The following ZMYM5 variants were observed in gnomAD, a reference collection of about 807,000 sequenced individuals.
ZMYM5 encodes the protein zinc finger MYM-type containing 5, also known as zinc finger MYM-type protein 5.
A neutral mutation model predicts 61.8 loss-of-function variants in ZMYM5; 41 were observed. The ratio of observed to expected loss-of-function variants is 0.66; its 90% confidence interval spans 0.52 to 0.86. ZMYM5 has a LOEUF of 0.86. Among genes scored for constraint, ZMYM5 ranks in the 40% least tolerant of loss-of-function variants. The pLI, the probability that ZMYM5 is intolerant of heterozygous loss-of-function variation, is 0.00. For missense variants in ZMYM5, 706 were observed against 786.7 expected (o/e 0.90, Z 1.23); for synonymous variants, 257 against 276.4 (o/e 0.93, Z 0.70).
intron 4 of ZMYM5, among the ~76,000 whole-genome samples, chr13:19,842,632 G>A (rs1002765630): frequency 4.8e-5 from 7 of 145,500 alleles, no homozygotes; most frequent in Non-Finnish European, 1.0e-4. Context: ...TTTGACAGAT[G>A]ACTTAAGCTT....
chr13:19,839,061 A>G, intron 4 of ZMYM5, 76 bp from the exon 5 acceptor site: 1 of 1,532,038 alleles, frequency 6.5e-7, no homozygotes, highest in Non-Finnish European at 8.8e-7. Flanking sequence ...ATTTTCATTT[A>G]AGAGTTTAAG....
intron 7 of ZMYM5, among the ~76,000 whole-genome samples, chr13:19,831,996 C>T (rs999436489): frequency 6.6e-6 from 1 of 150,664 alleles, no homozygotes. Flanking sequence ...GCTGGGATTA[C>T]AGGTGTTCAC....
intron 2 of ZMYM5, 43 bp from the exon 3 acceptor site, chr13:19,852,233 G>A: frequency 6.8e-7 from 1 of 1,472,808 alleles, no homozygotes; most frequent in Non-Finnish European, 8.9e-7. Flanking sequence ...AGTATGTTAT[G>A]GTTTTTGCAT....
At chr13:19,858,528 T>C (rs1240261403) in intron 2 of ZMYM5, among the ~76,000 whole-genome samples, 2 of 135,804 alleles carry the variant, frequency 1.5e-5, no homozygotes, top group Non-Finnish European at 3.0e-5. Flanking sequence ...GAGGCTGCAG[T>C]GAGCCGAGAT....
intron 2 of ZMYM5, among the ~76,000 whole-genome samples, chr13:19,859,840 G>C (rs1003466148): frequency 6.6e-6 from 1 of 151,218 alleles, no homozygotes; most frequent in South Asian, 2.1e-4. Context: ...TGTGGTAGTG[G>C]GTGCCTATCA....
intron 7 of ZMYM5, among the ~76,000 whole-genome samples, chr13:19,833,458 G>T (rs962046462): frequency 6.6e-6 from 1 of 152,000 alleles, no homozygotes; most frequent in Admixed American, 6.6e-5. Flanking sequence ...TCTATTTCTG[G>T]ACTATCTTCT....
intron 4 of ZMYM5, among the ~76,000 whole-genome samples, chr13:19,840,477 G>A (rs774604997): frequency 3.3e-5 from 5 of 152,146 alleles, no homozygotes; most frequent in Admixed American, 6.5e-5. Context: ...GGGCTCAAGC[G>A]ATCCTCCCAT....
intron 4 of ZMYM5, among the ~76,000 whole-genome samples, chr13:19,848,290 T>C (rs1453549794): frequency 6.6e-6 from 1 of 152,034 alleles, no homozygotes; most frequent in East Asian, 1.9e-4. Flanking sequence ...CAGGTAATTA[T>C]TATTTTTTGA....
intron 7 of ZMYM5, among the ~76,000 whole-genome samples, chr13:19,832,978 C>T (rs1292329109): frequency 2.0e-5 from 3 of 148,796 alleles, no homozygotes; most frequent in Non-Finnish European, 4.5e-5. Context: ...GTGCCATCCT[C>T]CCATCTTGGC....
chr13:19,862,234 AG>A, intron 2 of ZMYM5, among the ~76,000 whole-genome samples, 164 bp downstream of exon 2: 1 of 152,282 alleles, frequency 6.6e-6, no homozygotes, highest in African/African-American at 2.4e-5. Flanking sequence ...GTGCCTTCCC[AG>A]GGACTACCAT....
intron 2 of ZMYM5, among the ~76,000 whole-genome samples, chr13:19,854,141 C>T (rs2138630807): frequency 6.6e-6 from 1 of 152,236 alleles, no homozygotes; most frequent in East Asian, 2.0e-4. Flanking sequence ...TCCCAAGTAG[C>T]TGGGAGTACA....
chr13:19,860,448 ATGTGTGTGTGTGTGTGTGTGTG>A (rs1205444485), intron 2 of ZMYM5, among the ~76,000 whole-genome samples: 9 of 141,524 alleles, frequency 6.4e-5, no homozygotes, highest in Admixed American at 2.1e-4. Context: ...GTGTGTGTGT[ATGTGTGTGTGTGTGTGTGTGTG>A]TATTTTTTTT....
chr13:19,841,183 TTGAACTCCTGACCTCG>T (rs990903105), intron 4 of ZMYM5, among the ~76,000 whole-genome samples: 2 of 152,020 alleles, frequency 1.3e-5, no homozygotes, highest in Non-Finnish European at 2.9e-5. Context: ...CAGGCTGGTC[TTGAACTCCTGACCTCG>T]TGATCTGCCC....
intron 4 of ZMYM5, among the ~76,000 whole-genome samples, chr13:19,840,032 G>C (rs889237565): frequency 2.0e-5 from 3 of 152,210 alleles, no homozygotes; most frequent in Admixed American, 6.6e-5. Flanking sequence ...TTCTAAATTA[G>C]TAGGTCTGAG....
intron 4 of ZMYM5, among the ~76,000 whole-genome samples, chr13:19,849,142 A>G (rs1953190870): frequency 6.6e-6 from 1 of 152,092 alleles, no homozygotes; most frequent in South Asian, 2.1e-4. Flanking sequence ...ACATATTTTT[A>G]GAGACAGAGT....
chr13:19,862,006 G>A (rs1237779804), intron 2 of ZMYM5, among the ~76,000 whole-genome samples: 1 of 152,080 alleles, frequency 6.6e-6, no homozygotes, highest in Non-Finnish European at 1.5e-5. Context: ...GACTGTCAGG[G>A]TACATAAATA....
At chr13:19,851,294 C>T in intron 4 of ZMYM5, 61 bp downstream of exon 4, 2 of 1,415,830 alleles carry the variant, frequency 1.4e-6, no homozygotes, top group African/African-American at 1.4e-5. Context: ...ATGAGCTTTA[C>T]TAAAAAGAAC....
intron 7 of ZMYM5, among the ~76,000 whole-genome samples, chr13:19,830,032 C>A (rs1026302196): frequency 6.6e-6 from 1 of 152,122 alleles, no homozygotes; most frequent in Non-Finnish European, 1.5e-5. Context: ...TTTAGCAGCA[C>A]CTCTGGACTC....
intron 7 of ZMYM5, among the ~76,000 whole-genome samples, chr13:19,835,072 C>T (rs1390202925): frequency 6.6e-6 from 1 of 151,448 alleles, no homozygotes; most frequent in East Asian, 1.9e-4. Context: ...TTCACTGTAG[C>T]CTCAATCTCC....
Sources: allele counts gnomAD v4.1 joint callset (sites outside exome capture counted in the v4.1 genomes callset), GRCh38; gene constraint gnomAD v4.1.1; transcripts MANE v1.5; gene names NCBI Gene and HGNC (gene_info 2026-07-23, HGNC 2026-07-21).